Variants in ADAM19 observed in about 807,000 individuals in gnomAD.
The protein encoded by ADAM19 is disintegrin and metalloproteinase domain-containing protein 19.
A neutral mutation model predicts 114.7 loss-of-function variants in ADAM19; 65 were observed. That is an observed-to-expected ratio of 0.57 (90% CI 0.46 to 0.70). The LOEUF (loss-of-function observed/expected upper bound fraction) is 0.70, where lower values mean the gene tolerates loss of function less well. ADAM19 is among the 30% of genes least tolerant of loss of function. The probability of loss-of-function intolerance (pLI) is 0.00; values close to 1 mark genes in which losing one functional copy is unlikely to be tolerated. For synonymous variants in ADAM19, 466 were observed against 460.5 expected, an observed-to-expected ratio of 1.01 and a Z score of -0.15; for missense variants, 1,063 against 1,204.7, an observed-to-expected ratio of 0.88 and a Z score of 1.74.
chr5:157,484,801 C>G (rs1754879549), intron 21 of ADAM19, among the ~76,000 whole-genome samples: 1 of 152,236 alleles, frequency 6.6e-6, no homozygotes, highest in African/African-American at 2.4e-5. Flanking sequence ...CAGGTGACAG[C>G]TGGGTGCAGA....
Position 157,533,817 on chromosome 5 carries a change from A to G in ADAM19, c.331-2934T>C, listed in dbSNP as rs1401063888. Among the ~76,000 whole-genome samples, 4 of 152,004 alleles carry G rather than the reference A, an allele frequency of 2.6e-5. No individual in the cohort carries two copies. The East Asian group carries it at 7.7e-4, about 29-fold the overall frequency. On this transcript the variant is annotated intron_variant, in intron 4 of 22. Transcript: ENST00000257527. ...ACCCTGTCTTTACTAAATATACAAAAAATTAGCTGGGCATGGTGGTGCACT... is the reference window on the plus strand; with the variant it reads ...ACCCTGTCTTTACTAAATATACAAAGAATTAGCTGGGCATGGTGGTGCACT...
At chr5:157,542,984 A>G (rs1286037257) in intron 3 of ADAM19, among the ~76,000 whole-genome samples, 1 of 152,210 alleles carries the variant, frequency 6.6e-6, no homozygotes, top group Non-Finnish European at 1.5e-5. Flanking sequence ...TAAAAACTTA[A>G]TAAGATACAA....
chr5:157,530,740 G>T (rs1756600854), intron 5 of ADAM19, 67 bp downstream of exon 5: 4 of 1,399,962 alleles, frequency 2.9e-6, no homozygotes, highest in Middle Eastern at 2.1e-4. Flanking sequence ...CCTCAGCCTT[G>T]TCTATCTTGA....
At chr5:157,547,721 C>T (rs1757086118) in intron 3 of ADAM19, among the ~76,000 whole-genome samples, 1 of 152,170 alleles carries the variant, frequency 6.6e-6, no homozygotes, top group African/African-American at 2.4e-5. Flanking sequence ...CTTGAAACCA[C>T]CCTCTCCCTC....
chr5:157,506,288 C>T (rs930999718), intron 10 of ADAM19, among the ~76,000 whole-genome samples: 1 of 152,086 alleles, frequency 6.6e-6, no homozygotes. Context: ...CTAAAGAAAT[C>T]AAGAGGAAAA....
At position 157,496,985 on chromosome 5, in the gene ADAM19, C is replaced by G; in HGVS notation, c.1503G>C (p.Met501Ile). 2 of 1,598,112 alleles carry G rather than the reference C, an allele frequency of 1.3e-6. No homozygotes were observed. The highest frequency in any genetic ancestry group is 8.5e-7 in the Non-Finnish European group (1 of 1,173,252). Residue 501 changes from methionine (M) to isoleucine (I), a missense_variant, in exon 14 of 23, where the codon ATG becomes ATC. Physicochemically the swap from Met to Ile is conservative, Grantham distance 10. Coordinates refer to ENST00000257527, the MANE Select transcript of ADAM19 (RefSeq NM_033274.5). ...SPHCPTNFYQ[M>I]DGTPCEGGQA... is the part of the protein sequence containing the mutation. ...GGCCGCCCTCACAGGGGGTACCATC[C>G]ATCTGGTAGAAGTTGGTAGGGCAGT...
chr5:157,493,656 A>G (rs1420684664), intron 15 of ADAM19, among the ~76,000 whole-genome samples: 4 of 152,218 alleles, frequency 2.6e-5, no homozygotes, highest in Admixed American at 2.6e-4. Context: ...GGTCTGCAGA[A>G]GATTGATTTC....
At chr5:157,523,105 A>T (rs1756350989) in intron 5 of ADAM19, among the ~76,000 whole-genome samples, 1 of 152,152 alleles carries the variant, frequency 6.6e-6, no homozygotes, top group Admixed American at 6.5e-5. Context: ...ACAAGCTCTC[A>T]TGGTTAAGGG....
chr5:157,540,109 A>T (rs1756876972), intron 3 of ADAM19, among the ~76,000 whole-genome samples: 1 of 152,222 alleles, frequency 6.6e-6, no homozygotes, highest in Non-Finnish European at 1.5e-5. Flanking sequence ...CAACATAATA[A>T]ATGTAGCAGA....
chr5:157,509,015 A>G (rs868081208), intron 9 of ADAM19, among the ~76,000 whole-genome samples: 7 of 152,254 alleles, frequency 4.6e-5, no homozygotes, highest in Non-Finnish European at 1.0e-4. Flanking sequence ...TCCCTTCCCA[A>G]ATACATACAC....
In ADAM19 at chr5:157,488,498, A is replaced by T; in HGVS notation, c.2326-9T>A. On this transcript the variant is annotated splice_polypyrimidine_tract_variant and intron_variant, in intron 20 of 22. Transcript: ENST00000257527. ...TCCGGAGTGTTGATCACCTGTACGC[A>T]CAAGTCAAGGAACACCTGAGACAAG... The T allele has an allele frequency of 6.4e-7, 1 of 1,574,390 alleles. No individual in the cohort carries two copies. Among genetic ancestry groups the T allele is most frequent in the South Asian group, 1.2e-5 (1 of 86,054 alleles).
intron 3 of ADAM19, among the ~76,000 whole-genome samples, chr5:157,558,624 C>T (rs1581353846): frequency 6.6e-6 from 1 of 152,196 alleles, no homozygotes; most frequent in African/African-American, 2.4e-5. Context: ...TCAAAGAGAG[C>T]TGTCCTTTAT....
intron 5 of ADAM19, 103 bp downstream of exon 5, chr5:157,530,704 C>T (rs1210703301): frequency 2.8e-5 from 28 of 985,224 alleles, no homozygotes; most frequent in Non-Finnish European, 4.3e-5. Flanking sequence ...CACACATTCT[C>T]AATGGACTCC....
intron 4 of ADAM19, among the ~76,000 whole-genome samples, chr5:157,533,458 T>C (rs1369095401): frequency 6.6e-6 from 1 of 152,162 alleles, no homozygotes; most frequent in African/African-American, 2.4e-5. Context: ...ACCCGTGGGA[T>C]CTGGGATTTG....
At chr5:157,544,727 C>T (rs551915341) in intron 3 of ADAM19, among the ~76,000 whole-genome samples, 5 of 152,228 alleles carry the variant, frequency 3.3e-5, no homozygotes, top group African/African-American at 9.6e-5. Context: ...AAGAACAGTT[C>T]GGGGAAATGA....
rs373628757 is a variant in ADAM19, at chr5:157,488,354, G to A, written c.2461C>T (p.Pro821Ser). Residue 821 changes from proline (P) to serine (S), a missense_variant, in exon 21 of 23, where the codon CCC becomes TCC. Coordinates refer to ENST00000257527, the MANE Select transcript of ADAM19 (RefSeq NM_033274.5). ...LSRAARNSPG[P>S]GSQIERTESS... The stretch of plus-strand genomic sequence containing the variant: ...TCCGTCCTCTCTATTTGAGACCCGG[G>A]CCCTGGGGAGTTCCTAGCAGCCCTG... 2.5e-6 allele frequency: 4 copies of A among 1,614,192 alleles called. No homozygotes were observed. The highest frequency in any genetic ancestry group is 2.5e-6 in the Non-Finnish European group (3 of 1,180,032).
intron 3 of ADAM19, among the ~76,000 whole-genome samples, chr5:157,552,057 T>A (rs7718463): frequency 0.64 from 97,464 of 152,012 alleles, 32,748 homozygotes; most frequent in African/African-American, 0.86. Flanking sequence ...AGACTGAGGC[T>A]CAAGAATCGC....
intron 2 of ADAM19, among the ~76,000 whole-genome samples, chr5:157,565,536 C>T (rs1757634354): frequency 6.6e-6 from 1 of 151,428 alleles, no homozygotes; most frequent in African/African-American, 2.4e-5. Flanking sequence ...CGGTGAAACC[C>T]CGTCTCTACC....
Position 157,570,934 on chromosome 5 carries a change from T to A in ADAM19, c.141A>T (p.Ile47=), listed in dbSNP as rs773735420. ...GSPKLQHELI[I]PQWKTSESPV... is the part of the protein sequence containing the mutation. ...GGCTTTCTGAAGTCTTCCACTGAGGTATGATAAGTTCATGCTGCAGCTTGG... is the reference window on the plus strand; with the variant it reads ...GGCTTTCTGAAGTCTTCCACTGAGGAATGATAAGTTCATGCTGCAGCTTGG... Residue 47 remains isoleucine (I), a synonymous_variant, in exon 2 of 23, where the codon ATA becomes ATT. Transcript: ENST00000257527. 5 of 1,614,190 alleles carry A rather than the reference T, an allele frequency of 3.1e-6. No individual in the cohort carries two copies. The highest frequency in any genetic ancestry group is 4.2e-6 in the Non-Finnish European group (5 of 1,180,020).
Sources: allele counts gnomAD v4.1 joint callset (sites outside exome capture counted in the v4.1 genomes callset), GRCh38; gene constraint gnomAD v4.1.1; transcripts MANE v1.5; gene names NCBI Gene and HGNC (gene_info 2026-07-23, HGNC 2026-07-21).